CLIP2: variants seen among roughly 807,000 people sequenced by gnomAD.
CLIP2 encodes the protein CAP-Gly domain-containing linker protein 2.
A neutral mutation model predicts 111.7 loss-of-function variants in CLIP2; 41 were observed. That is an observed-to-expected ratio of 0.37 (90% confidence interval 0.29 to 0.48). The LOEUF is 0.48. Among genes scored for constraint, CLIP2 ranks in the 20% least tolerant of loss-of-function variants. The probability of loss-of-function intolerance (pLI) is 0.99; values close to 1 mark genes in which losing one functional copy is unlikely to be tolerated. For synonymous variants in CLIP2, 660 were observed against 644.2 expected (o/e 1.02, Z -0.37); for missense variants, 1,160 against 1,422.1 (o/e 0.82, Z 2.96).
At chr7:74,345,607 T>A (rs973228447) in intron 3 of CLIP2, among the ~76,000 whole-genome samples, 4 of 151,502 alleles carry the variant, frequency 2.6e-5, no homozygotes, top group African/African-American at 9.7e-5. Context: ...AGGCTGAGGG[T>A]GGGTGGATCA....
chr7:74,390,909 C>T (rs924196279), intron 13 of CLIP2, among the ~76,000 whole-genome samples: 2 of 151,692 alleles, frequency 1.3e-5, no homozygotes, highest in Admixed American at 6.6e-5. Flanking sequence ...ATTAGCCAGG[C>T]GTGTTGGCAG....
intron 13 of CLIP2, among the ~76,000 whole-genome samples, chr7:74,393,079 A>G (rs1351371009): frequency 7.6e-5 from 10 of 130,748 alleles, no homozygotes; most frequent in Non-Finnish European, 1.2e-4. Flanking sequence ...TCTGTTGCCC[A>G]GGCTGCAGTA....
At chr7:74,384,421 G>A (rs1791026197) in intron 11 of CLIP2, among the ~76,000 whole-genome samples, 1 of 149,794 alleles carries the variant, frequency 6.7e-6, no homozygotes, top group Non-Finnish European at 1.5e-5. Flanking sequence ...ACCTAGAAGA[G>A]TAGAATGCTA....
chr7:74,385,972 C>T (rs1169550255), intron 11 of CLIP2, among the ~76,000 whole-genome samples: 2 of 151,534 alleles, frequency 1.3e-5, no homozygotes, highest in African/African-American at 4.8e-5. Context: ...GAACTCCCGA[C>T]CTCAGGTGAT....
At position 74,317,582 on chromosome 7, in the gene CLIP2, T is replaced by TG; in HGVS notation, c.42dup (p.Lys15GlufsTer23). ...CCAGCGGCCTGAAGCCCCCCGGCCG[T>TG]GGGGGGAAGCACTCCAGCCCCATGG... On this transcript the variant is annotated frameshift_variant, in exon 2 of 17. Transcript: ENST00000223398. LOFTEE classifies it high-confidence loss of function. The TG allele has an allele frequency of 5.4e-6, 8 of 1,493,834 alleles. No homozygotes were observed. The highest frequency in any genetic ancestry group is 1.3e-5 in the South Asian group (1 of 74,894). 92.5% of individuals were successfully genotyped at this position (1,493,834 alleles called of 1,614,324 possible). A position where few individuals can be genotyped will look rare whatever the true frequency, so the allele number is the denominator to read the frequency against.
rs782404529 is a variant in CLIP2, at chr7:74,376,633, C to A, written c.2232C>A (p.Gly744=). 1.2e-6 allele frequency: 2 copies of A among 1,613,458 alleles called. No homozygotes were observed. The highest frequency in any genetic ancestry group is 2.2e-5 in the East Asian group (1 of 44,852). The change falls in exon 10 of 17, where the codon GGC becomes GGA. Residue 744 remains glycine, a synonymous_variant. Coordinates refer to ENST00000223398, the MANE Select transcript of CLIP2 (RefSeq NM_003388.5). This position sits in a 1 kb window ranked among gnomAD's most constrained non-coding sequence, Gnocchi z 7.1. The stretch of plus-strand genomic sequence containing the variant: ...AAAAACTGGACGTGGAGTACCGGGG[C>A]CAGGCGCAGGCTATCGAGTTCCTCA... The part of the protein sequence containing the change: ...ELEKLDVEYR[G]QAQAIEFLKE...
intron 1 of CLIP2, among the ~76,000 whole-genome samples, chr7:74,312,268 T>G (rs1185833483): frequency 6.6e-6 from 1 of 152,064 alleles, no homozygotes; most frequent in African/African-American, 2.4e-5. Context: ...ATAATGAAAG[T>G]TTGTTATTAG....
chr7:74,333,064 T>C (rs1789341194), intron 2 of CLIP2, among the ~76,000 whole-genome samples: 1 of 152,226 alleles, frequency 6.6e-6, no homozygotes, highest in Admixed American at 6.5e-5. Context: ...GCAGCCACCC[T>C]GCACCGTGTC....
intron 10 of CLIP2, 85 bp from the exon 11 acceptor site, chr7:74,380,721 A>G: frequency 8.7e-7 from 1 of 1,143,928 alleles, no homozygotes; most frequent in South Asian, 1.5e-5. Flanking sequence ...AGGGTGTGCA[A>G]ACTGCAGGTG....
chr7:74,312,701 G>A (rs1276633933), intron 1 of CLIP2, among the ~76,000 whole-genome samples: 1 of 152,130 alleles, frequency 6.6e-6, no homozygotes, highest in East Asian at 1.9e-4. Flanking sequence ...AATTCCCGGG[G>A]CACCAGGGGC....
At position 74,403,922 on chromosome 7, in the gene CLIP2, G is replaced by T; in HGVS notation, c.*74G>T. 1 of 1,502,260 alleles carries T rather than the reference G, an allele frequency of 6.7e-7. No homozygotes were observed. The allele number at this position is 1,502,260 out of a possible 1,614,324, so 93.1% of individuals were successfully genotyped here. On this transcript the variant is annotated 3_prime_UTR_variant, in exon 17 of 17. Coordinates refer to ENST00000223398, the MANE Select transcript of CLIP2 (RefSeq NM_003388.5). ...CGGCTGCCCGGCAGTACCTCCTCCA[G>T]GCAGGAGCCGGGACTGTCACTTTGG... is the stretch of plus-strand genomic sequence containing the variant.
intron 13 of CLIP2, among the ~76,000 whole-genome samples, chr7:74,391,903 C>A (rs1562727861): frequency 6.6e-6 from 1 of 152,024 alleles, no homozygotes; most frequent in Non-Finnish European, 1.5e-5. Flanking sequence ...TCTCCACATT[C>A]CCTTAAAAAA....
intron 1 of CLIP2, among the ~76,000 whole-genome samples, chr7:74,307,109 G>A (rs1788511603): frequency 6.6e-6 from 1 of 152,154 alleles, no homozygotes; most frequent in African/African-American, 2.4e-5. Context: ...TGCTCCTCGG[G>A]GACAGGGGGG....
At chr7:74,384,555 C>T (rs146888323) in intron 11 of CLIP2, among the ~76,000 whole-genome samples, 59 of 148,846 alleles carry the variant, frequency 4.0e-4, no homozygotes, top group African/African-American at 1.4e-3. Flanking sequence ...AAGCGATTCT[C>T]CTGCCTCAGT....
chr7:74,358,838 C>T (rs139360723), intron 6 of CLIP2, among the ~76,000 whole-genome samples: 225 of 151,702 alleles, frequency 1.5e-3, no homozygotes, highest in African/African-American at 5.2e-3. Flanking sequence ...CTCAAAGCAC[C>T]GCGATTATAG....
intron 1 of CLIP2, among the ~76,000 whole-genome samples, chr7:74,300,035 G>A (rs1388043365): frequency 6.7e-6 from 1 of 149,822 alleles, no homozygotes; most frequent in East Asian, 2.0e-4. Flanking sequence ...TGCCCAGGTT[G>A]GAGTGCAGTG....
Position 74,404,054 on chromosome 7 carries a change from G to A in CLIP2, c.*206G>A. On this transcript the variant is annotated 3_prime_UTR_variant, in exon 17 of 17. Coordinates refer to ENST00000223398, the MANE Select transcript of CLIP2 (RefSeq NM_003388.5). ...TTCCTCAAGCCCAGCCTTCTACAGA[G>A]AGTGTGAACGGTACAGCCCCGGCCT... 1.6e-6 allele frequency: 1 copy of A among 624,018 alleles called. No individual in the cohort carries two copies. The highest frequency in any genetic ancestry group is 1.7e-5 in the South Asian group (1 of 58,040). 38.7% of individuals were successfully genotyped at this position (624,018 alleles called of 1,614,324 possible). A position where few individuals can be genotyped will look rare whatever the true frequency, so the allele number is the denominator to read the frequency against.
rs1382913791 is a variant in CLIP2 at position 74,370,328 on chromosome 7, C to T, written c.1381-2604C>T. ...AAAATTAGCCGGGCGTGGTGGCGGG[C>T]GCCTGCAGTCCCAGCTACTCGGGAG... is the stretch of plus-strand genomic sequence containing the variant. On this transcript the variant is annotated intron_variant, in intron 8 of 16. Transcript: ENST00000223398. 2.0e-5 allele frequency among the ~76,000 whole-genome samples: 3 copies of T among 149,456 alleles called. 1 individual carries two copies. In the South Asian group the frequency reaches 6.3e-4, roughly 32 times the overall value.
At chr7:74,300,973 C>A (rs1399299135) in intron 1 of CLIP2, among the ~76,000 whole-genome samples, 1 of 152,096 alleles carries the variant, frequency 6.6e-6, no homozygotes, top group East Asian at 1.9e-4. Context: ...GATGGAAGGG[C>A]CATTCTATGT....
Sources: gnomAD v4.1 joint callset for allele counts (sites outside exome capture counted in the v4.1 genomes callset) on GRCh38, gnomAD v4.1.1 for gene constraint, Gnocchi (gnomAD v3.1) non-coding constraint, MANE v1.5 for transcripts, NCBI Gene and HGNC (gene_info 2026-07-23, HGNC 2026-07-21) for gene names.